Variants in CUL3 observed in about 807,000 individuals in gnomAD.
The protein encoded by CUL3 is cullin-3.
A neutral mutation model predicts 89.1 loss-of-function variants in CUL3; 19 were observed. The ratio of observed to expected loss-of-function variants is 0.21; its 90% CI spans 0.15 to 0.31. The LOEUF is 0.31. Among genes scored for constraint, CUL3 ranks in the 10% least tolerant of loss-of-function variants. The pLI is 1.00. For missense variants in CUL3, 469 were observed against 942.3 expected (o/e 0.50, Z 6.58); for synonymous variants, 351 against 308.4 (o/e 1.14, Z -1.45).
intron 1 of CUL3, among the ~76,000 whole-genome samples, chr2:224,563,823 C>T (rs1322433335): frequency 1.3e-5 from 2 of 152,168 alleles, no homozygotes; most frequent in South Asian, 2.1e-4. Context: ...TATGTCCAGG[C>T]AATGTTTATC....
intron 4 of CUL3, 93 bp downstream of exon 4, chr2:224,514,518 AC>A: frequency 9.1e-7 from 1 of 1,103,196 alleles, no homozygotes; most frequent in South Asian, 2.0e-5. Context: ...CAACATTCAA[AC>A]TTTTATTTAT....
intron 1 of CUL3, among the ~76,000 whole-genome samples, chr2:224,559,626 A>AATCTACTCCTACT (rs1694841667): frequency 6.6e-6 from 1 of 152,098 alleles, no homozygotes; most frequent in Non-Finnish European, 1.5e-5. Flanking sequence ...TTATATCTTG[A>AATCTACTCCTACT]ATCTACTCCA....
chr2:224,556,017 T>TA (rs1694697085), intron 2 of CUL3, among the ~76,000 whole-genome samples: 1 of 151,982 alleles, frequency 6.6e-6, no homozygotes, highest in African/African-American at 2.4e-5. Context: ...AGGCACTTAA[T>TA]AAAAAACTGC....
chr2:224,532,020 A>C (rs1425302037), intron 3 of CUL3, among the ~76,000 whole-genome samples: 1 of 152,250 alleles, frequency 6.6e-6, no homozygotes, highest in Non-Finnish European at 1.5e-5. Flanking sequence ...GGAGAAAAAA[A>C]GAACTTATAA....
intron 1 of CUL3, among the ~76,000 whole-genome samples, chr2:224,581,040 A>G (rs1190485492): frequency 6.6e-6 from 1 of 152,178 alleles, no homozygotes; most frequent in East Asian, 1.9e-4. Flanking sequence ...ATAATACTAT[A>G]TTACATATTT....
chr2:224,530,208 C>T (rs1693643664), intron 3 of CUL3, among the ~76,000 whole-genome samples: 1 of 152,164 alleles, frequency 6.6e-6, no homozygotes, highest in Non-Finnish European at 1.5e-5. Flanking sequence ...CACTGCACTC[C>T]AGCCTGGGCA....
intron 1 of CUL3, among the ~76,000 whole-genome samples, chr2:224,581,816 G>GC (rs1220641131): frequency 2.6e-5 from 4 of 152,014 alleles, no homozygotes; most frequent in African/African-American, 9.6e-5. Flanking sequence ...ACCTTGCCCG[G>GC]CCGAGTGCTT....
At chr2:224,581,461 T>C (rs1695435364) in intron 1 of CUL3, among the ~76,000 whole-genome samples, 1 of 151,626 alleles carries the variant, frequency 6.6e-6, no homozygotes, top group South Asian at 2.1e-4. Context: ...AATGTATACA[T>C]ATATCAAAAC....
At chr2:224,564,817 T>C (rs1392584834) in intron 1 of CUL3, among the ~76,000 whole-genome samples, 1 of 149,996 alleles carries the variant, frequency 6.7e-6, no homozygotes, top group Non-Finnish European at 1.5e-5. Flanking sequence ...AAACTTATCA[T>C]GTCAAAAATC....
chr2:224,489,447 T>G (rs1444303857), intron 13 of CUL3, among the ~76,000 whole-genome samples: 1 of 152,108 alleles, frequency 6.6e-6, no homozygotes, highest in Non-Finnish European at 1.5e-5. Flanking sequence ...TCACAAGCAT[T>G]CCTATACACC....
chr2:224,569,656 A>G (rs943474600), intron 1 of CUL3: 6 of 1,045,484 alleles, frequency 5.7e-6, no homozygotes, highest in Non-Finnish European at 7.0e-6. Flanking sequence ...AAATGCCTGA[A>G]TTTGAAAGGA....
chr2:224,485,275 C>A lies in CUL3; in HGVS notation c.1843-3197G>T, dbSNP rs1158297360. On this transcript the variant is annotated intron_variant, in intron 13 of 15. Coordinates refer to ENST00000264414, the MANE Select transcript of CUL3 (RefSeq NM_003590.5). This position sits in a 1 kb window ranked among gnomAD's most constrained non-coding sequence, Gnocchi z 4.1. ...GGAACCCCAGCGAGAGAGAACCGTC[C>A]ACTCCCCTGGAAAGGGGGCTGAAGC... The A allele has an allele frequency of 6.6e-6, 1 of 152,390 alleles. No individual in the cohort carries two copies. The highest frequency in any genetic ancestry group is 1.5e-5 in the Non-Finnish European group (1 of 68,260). The allele number at this position is 152,390 out of a possible 1,614,324, so 9.4% of individuals were successfully genotyped here.
In CUL3 at chr2:224,495,977, T is replaced by A. The variant is rs1380738686; in HGVS notation, c.1708-11A>T. 6.2e-7 allele frequency: 1 copy of A among 1,607,902 alleles called. No homozygotes were observed. The highest frequency in any genetic ancestry group is 1.1e-5 in the South Asian group (1 of 89,860). On this transcript the variant is annotated splice_polypyrimidine_tract_variant and intron_variant, in intron 12 of 15. Transcript: ENST00000264414. Reference sequence around the variant, plus strand: ...TTCAGATCCATCTTCCTGTTTCATTTTTAAAAAAATATAAACAAAGACACA... The same window carrying A: ...TTCAGATCCATCTTCCTGTTTCATTATTAAAAAAATATAAACAAAGACACA...
intron 2 of CUL3, among the ~76,000 whole-genome samples, chr2:224,545,190 C>T (rs1308631462): frequency 6.6e-6 from 1 of 152,068 alleles, no homozygotes; most frequent in Non-Finnish European, 1.5e-5. Context: ...TTTAAACTTT[C>T]CAAGAATTAA....
chr2:224,522,072 A>T (rs1391408762), intron 3 of CUL3, among the ~76,000 whole-genome samples: 8 of 111,484 alleles, frequency 7.2e-5, no homozygotes, highest in Admixed American at 4.0e-4. Context: ...TTTAAAATTA[A>T]AAAAAAAAAA....
In CUL3 at chr2:224,474,107, G is replaced by C. The variant is rs1210056243; in HGVS notation, c.*138C>G. The C allele has an allele frequency of 1.2e-6, 1 of 832,226 alleles. No homozygotes were observed. The highest frequency in any genetic ancestry group is 1.8e-6 in the Non-Finnish European group (1 of 561,008). 51.6% of individuals were successfully genotyped at this position (832,226 alleles called of 1,614,324 possible). On this transcript the variant is annotated 3_prime_UTR_variant, in exon 16 of 16. Coordinates refer to ENST00000264414, the MANE Select transcript of CUL3 (RefSeq NM_003590.5). ...GTTGGAAACTCTCAAAGGGAGTAAA[G>C]GCTTGATCTCAATGGTCTAGAACAT... is the stretch of plus-strand genomic sequence containing the variant.
Position 224,473,294 on chromosome 2 carries a change from G to A in CUL3, c.*951C>T. On this transcript the variant is annotated 3_prime_UTR_variant, in exon 16 of 16. Coordinates refer to ENST00000264414, the MANE Select transcript of CUL3 (RefSeq NM_003590.5). ...ACCAAAATATATATTTAGGGGCAGG[G>A]AGGACCTAGGGTATTTATAAACAAA... The A allele has an allele frequency of 5.2e-6, 1 of 192,540 alleles. No individual in the cohort carries two copies. Among genetic ancestry groups the A allele is most frequent in the Non-Finnish European group, 1.1e-5 (1 of 91,694 alleles). 11.9% of individuals were successfully genotyped at this position (192,540 alleles called of 1,614,324 possible). A position where few individuals can be genotyped will look rare whatever the true frequency, so the allele number is the denominator to read the frequency against.
At chr2:224,534,621 GA>G (rs1407062483) in intron 3 of CUL3, among the ~76,000 whole-genome samples, 5 of 151,886 alleles carry the variant, frequency 3.3e-5, no homozygotes, top group African/African-American at 1.2e-4. Context: ...TAAATACTAA[GA>G]AAAAAATTAA....
At chr2:224,509,667 A>C (rs753106540) in intron 6 of CUL3, among the ~76,000 whole-genome samples, 6 of 152,234 alleles carry the variant, frequency 3.9e-5, no homozygotes. Flanking sequence ...CATACCTGAC[A>C]CCTTTTACAT....
Sources: gnomAD v4.1 joint callset for allele counts (sites outside exome capture counted in the v4.1 genomes callset) on GRCh38, gnomAD v4.1.1 for gene constraint, Gnocchi (gnomAD v3.1) non-coding constraint, MANE v1.5 for transcripts, NCBI Gene and HGNC (gene_info 2026-07-23, HGNC 2026-07-21) for gene names.